Variants in PPFIA2 observed in about 807,000 individuals in gnomAD.
PPFIA2 encodes the protein PPFI scaffold protein A2.
In PPFIA2, 46 loss-of-function variants were observed where a neutral mutation model predicts 175.5. That is an observed-to-expected ratio of 0.26 (90% confidence interval 0.21 to 0.34). PPFIA2 has a LOEUF of 0.34. Ranked by LOEUF, PPFIA2 falls within the 10% of genes least tolerant of loss-of-function variation. The pLI is 1.00. For synonymous variants in PPFIA2, 568 were observed against 511.4 expected, an observed-to-expected ratio of 1.11 and a Z score of -1.49; for missense variants, 1,179 against 1,506.1, an observed-to-expected ratio of 0.78 and a Z score of 3.60.
At chr12:81,755,885 ATAC>A (rs1373643981) in intron 2 of PPFIA2, among the ~76,000 whole-genome samples, 8 of 152,168 alleles carry the variant, frequency 5.3e-5, no homozygotes, top group African/African-American at 1.9e-4. Flanking sequence ...CCCACACTTG[ATAC>A]TACTGTTACA....
chr12:81,341,076 A>G lies in PPFIA2; in HGVS notation c.2393+2T>C, dbSNP rs1172493548. On this transcript the variant is annotated splice_donor_variant, in intron 20 of 32. Coordinates refer to ENST00000549396, the MANE Select transcript of PPFIA2 (RefSeq NM_003625.5). LOFTEE classifies it high-confidence loss of function. ...GTGTGCAGTGTGCCTGCAGAGTCTT[A>G]CCTTCGAGCATCATTGTGGTAGGAA... 2.5e-6 allele frequency: 4 copies of G among 1,608,980 alleles called. No individual in the cohort carries two copies. The highest frequency in any genetic ancestry group is 3.4e-6 in the Non-Finnish European group (4 of 1,176,088).
In PPFIA2 at chr12:81,412,528, T is replaced by C. The variant is rs1276487835; in HGVS notation, c.646-6625A>G. Among the ~76,000 whole-genome samples, 3 of 151,954 alleles carry C rather than the reference T, an allele frequency of 2.0e-5. No individual in the cohort carries two copies. In the East Asian group the frequency reaches 5.8e-4, roughly 29 times the overall value. ...TTGGTAAAAGACCCTGAGACTATTA[T>C]ATTTAATGGCAACAACCACAATTGC... is the stretch of plus-strand genomic sequence containing the variant. On this transcript the variant is annotated intron_variant, in intron 7 of 32. Transcript: ENST00000549396.
chr12:81,751,170 G>A (rs1464239911), intron 3 of PPFIA2, among the ~76,000 whole-genome samples: 1 of 152,036 alleles, frequency 6.6e-6, no homozygotes, highest in African/African-American at 2.4e-5. Flanking sequence ...CTAAGGACCT[G>A]TGGATTTCTA....
intron 7 of PPFIA2, 53 bp from the exon 8 acceptor site, chr12:81,405,956 A>C (rs2142928465): frequency 1.9e-6 from 2 of 1,027,348 alleles, no homozygotes; most frequent in East Asian, 5.5e-5. Context: ...ATAAAATATA[A>C]AAAGAAAATG....
intron 3 of PPFIA2, among the ~76,000 whole-genome samples, chr12:81,750,456 A>T (rs2083601454): frequency 6.8e-6 from 1 of 147,278 alleles, no homozygotes. Flanking sequence ...AAGGTGCCTA[A>T]GTAAGGAGTT....
chr12:81,359,860 T>C (rs2061367947), intron 15 of PPFIA2, among the ~76,000 whole-genome samples: 1 of 151,958 alleles, frequency 6.6e-6, no homozygotes, highest in South Asian at 2.1e-4. Context: ...CTTAAAATTA[T>C]TCAATGTCCT....
chr12:81,338,075 A>G (rs2057406473), intron 21 of PPFIA2, among the ~76,000 whole-genome samples: 1 of 152,148 alleles, frequency 6.6e-6, no homozygotes, highest in Non-Finnish European at 1.5e-5. Context: ...TATGGAAGCC[A>G]GGAAAGGCAT....
Position 81,748,865 on chromosome 12 carries a change from C to T in PPFIA2, c.249+5108G>A, listed in dbSNP as rs2083389860. 1.4e-5 allele frequency among the ~76,000 whole-genome samples: 2 copies of T among 144,798 alleles called. 1 individual carries two copies. The highest frequency in any genetic ancestry group is 4.5e-4 in the South Asian group (2 of 4,416). 95.0% of individuals were successfully genotyped at this position (144,798 alleles called of 152,430 possible). The stretch of plus-strand genomic sequence containing the variant: ...ACCCCAAATTCTCCAGATTATACCA[C>T]ATAGAAATTCCTGTCTTTATTTTGC... On this transcript the variant is annotated intron_variant, in intron 3 of 32. Transcript: ENST00000549396.
intron 21 of PPFIA2, among the ~76,000 whole-genome samples, chr12:81,331,601 C>G (rs1180304985): frequency 3.9e-5 from 6 of 152,138 alleles, no homozygotes; most frequent in Non-Finnish European, 7.4e-5. Context: ...GCAAAAAAAG[C>G]TCTTTAAATG....
At chr12:81,683,705 A>G (rs2074027102) in intron 3 of PPFIA2, among the ~76,000 whole-genome samples, 1 of 152,018 alleles carries the variant, frequency 6.6e-6, no homozygotes, top group Admixed American at 6.6e-5. Context: ...CCTGCTTCTT[A>G]GGGTGCTTAT....
intron 10 of PPFIA2, 45 bp downstream of exon 10, chr12:81,375,751 T>C (rs2036223567): frequency 6.5e-7 from 1 of 1,539,922 alleles, no homozygotes; most frequent in Non-Finnish European, 8.9e-7. Flanking sequence ...GTGAGAATGA[T>C]GAGAACGCAC....
At chr12:81,348,417 A>C in intron 17 of PPFIA2, among the ~76,000 whole-genome samples, 1 of 152,266 alleles carries the variant, frequency 6.6e-6, no homozygotes, top group East Asian at 1.9e-4. Context: ...TAGATGATGA[A>C]TACATAAATA....
intron 4 of PPFIA2, among the ~76,000 whole-genome samples, chr12:81,613,347 A>C (rs1478577291): frequency 6.6e-6 from 1 of 152,128 alleles, no homozygotes; most frequent in African/African-American, 2.4e-5. Context: ...CATGAGAACC[A>C]CATACAGATT....
At chr12:81,485,299 T>C (rs2058693642) in intron 4 of PPFIA2, among the ~76,000 whole-genome samples, 2 of 151,828 alleles carry the variant, frequency 1.3e-5, no homozygotes, top group South Asian at 4.1e-4. Flanking sequence ...GTACAGGTTA[T>C]GTTTTTCTTT....
chr12:81,295,078 T>C (rs376506405), intron 23 of PPFIA2, 43 bp from the exon 24 acceptor site: 13 of 1,544,526 alleles, frequency 8.4e-6, no homozygotes, highest in Non-Finnish European at 1.1e-5. Flanking sequence ...ATAATAATAG[T>C]TATCATTTTA....
At chr12:81,393,525 C>T (rs560056459) in intron 8 of PPFIA2, among the ~76,000 whole-genome samples, 1 of 152,174 alleles carries the variant, frequency 6.6e-6, no homozygotes, top group South Asian at 2.1e-4. Flanking sequence ...GTCTCCTCTA[C>T]TGTGTCTTGA....
At chr12:81,325,678 T>C (rs2054607710) in intron 22 of PPFIA2, 99 bp downstream of exon 22, 4 of 850,246 alleles carry the variant, frequency 4.7e-6, no homozygotes, top group East Asian at 2.7e-5. Context: ...GGCTTCAATA[T>C]AGTTCTTTTG....
intron 4 of PPFIA2, chr12:81,535,469 A>G: frequency 4.4e-6 from 2 of 455,386 alleles, no homozygotes; most frequent in Non-Finnish European, 8.8e-6. Flanking sequence ...CCTGAAAGGC[A>G]GAATCTCACT....
intron 7 of PPFIA2, among the ~76,000 whole-genome samples, chr12:81,438,325 A>G (rs1310316519): frequency 1.3e-5 from 2 of 151,998 alleles, no homozygotes; most frequent in African/African-American, 2.4e-5. Flanking sequence ...AAAATTAGCC[A>G]GGGGTGGTGG....
Sources: gnomAD v4.1 joint callset for allele counts (sites outside exome capture counted in the v4.1 genomes callset) on GRCh38, gnomAD v4.1.1 for gene constraint, MANE v1.5 for transcripts, NCBI Gene and HGNC (gene_info 2026-07-23, HGNC 2026-07-21) for gene names.